Variants in LRRC28 observed in about 807,000 individuals in gnomAD.
The protein encoded by LRRC28 is leucine rich repeat containing 28.
LRRC28 carries 39 observed loss-of-function variants against 45.7 expected under a neutral mutation model. That is an observed-to-expected ratio of 0.85 (90% CI 0.66 to 1.12). The LOEUF is 1.12. Ranked by LOEUF, LRRC28 falls within the 50% of genes most tolerant of loss-of-function variation. The probability of loss-of-function intolerance (pLI) is 0.00; values close to 1 mark genes in which losing one functional copy is unlikely to be tolerated. For synonymous variants in LRRC28, 206 were observed against 178.8 expected (o/e 1.15, Z -1.22); for missense variants, 435 against 438.5 (o/e 0.99, Z 0.07).
chr15:99,272,759 G>A (rs2081515151), intron 2 of LRRC28, among the ~76,000 whole-genome samples: 1 of 152,180 alleles, frequency 6.6e-6, no homozygotes, highest in East Asian at 1.9e-4. Context: ...CAATTTCTAG[G>A]TAATTTAGTA....
chr15:99,327,032 T>A (rs1956003555), intron 5 of LRRC28, among the ~76,000 whole-genome samples: 1 of 152,178 alleles, frequency 6.6e-6, no homozygotes, highest in African/African-American at 2.4e-5. Context: ...GGTCTTTTCT[T>A]ATGGGAGGAT....
At chr15:99,311,941 G>A (rs1407886039) in intron 5 of LRRC28, among the ~76,000 whole-genome samples, 2 of 152,126 alleles carry the variant, frequency 1.3e-5, no homozygotes, top group Non-Finnish European at 2.9e-5. Context: ...CTGGAGCAAA[G>A]TTACTGTGTT....
intron 2 of LRRC28, among the ~76,000 whole-genome samples, chr15:99,273,382 A>G (rs558214297): frequency 1.4e-4 from 22 of 151,854 alleles, no homozygotes; most frequent in Admixed American, 3.9e-4. Context: ...GACTACAGGC[A>G]CTCACCACCA....
intron 9 of LRRC28, among the ~76,000 whole-genome samples, chr15:99,377,927 G>A (rs1389762934): frequency 1.3e-5 from 2 of 152,190 alleles, no homozygotes; most frequent in Admixed American, 6.5e-5. Flanking sequence ...CCAGTACCAT[G>A]CTGTTTTGGT....
At chr15:99,368,771 C>T (rs746959603) in intron 9 of LRRC28, among the ~76,000 whole-genome samples, 6 of 152,168 alleles carry the variant, frequency 3.9e-5, no homozygotes, top group Non-Finnish European at 5.9e-5. Flanking sequence ...CATTGTCCAG[C>T]CACACTGTTG....
chr15:99,273,343 T>TGA, intron 2 of LRRC28, among the ~76,000 whole-genome samples: 1 of 151,312 alleles, frequency 6.6e-6, no homozygotes, highest in Non-Finnish European at 1.5e-5. Flanking sequence ...TTCAGGCCAT[T>TGA]TTCCTGCCTC....
At chr15:99,327,012 A>G (rs1420399675) in intron 5 of LRRC28, among the ~76,000 whole-genome samples, 2 of 152,216 alleles carry the variant, frequency 1.3e-5, no homozygotes, top group East Asian at 3.8e-4. Context: ...TAGAAAAGCC[A>G]TCTGGACCTG....
Position 99,363,110 on chromosome 15 carries a change from G to C in LRRC28, c.876G>C (p.Leu292Phe). The C allele has an allele frequency of 6.2e-7, 1 of 1,605,554 alleles. No individual in the cohort carries two copies. The highest frequency in any genetic ancestry group is 8.5e-7 in the Non-Finnish European group (1 of 1,176,202). ...YHTYHSLLKDLNFLSPISLPR... is the reference protein window; with the variant it reads ...YHTYHSLLKDFNFLSPISLPR... ...TGATTTTCTTTTGTGTTCCAGATTT[G>C]AACTTTCTGTCTCCAATCTCATTAC... Residue 292 changes from leucine to phenylalanine, a missense_variant, in exon 9 of 10, where the codon TTG (leucine) becomes TTC (phenylalanine). By Grantham distance (22) the Leu-to-Phe change is conservative. Transcript: ENST00000301981.
At chr15:99,316,732 A>T (rs1318873350) in intron 5 of LRRC28, among the ~76,000 whole-genome samples, 9 of 125,988 alleles carry the variant, frequency 7.1e-5, no homozygotes, top group Non-Finnish European at 1.4e-4. Flanking sequence ...AAAAAAAAAA[A>T]ACTCTTTGAA....
At chr15:99,259,469 C>T in intron 2 of LRRC28, 1 of 1,180,726 alleles carries the variant, frequency 8.5e-7, no homozygotes, top group Non-Finnish European at 1.3e-6. Flanking sequence ...TGAGCCTCTG[C>T]CCAATTGGGT....
At chr15:99,327,369 A>C (rs11853523) in intron 5 of LRRC28, among the ~76,000 whole-genome samples, 2,249 of 152,258 alleles carry the variant, frequency 0.015, 56 homozygotes, top group African/African-American at 0.052. Context: ...GTGCCAGGCT[A>C]CTAATTCAGT....
At chr15:99,361,214 G>T in intron 7 of LRRC28, 122 bp from the exon 8 acceptor site, 2 of 1,220,866 alleles carry the variant, frequency 1.6e-6, no homozygotes, top group East Asian at 2.5e-5. Context: ...ACTTTGAAAA[G>T]AATTCTGGCA....
intron 3 of LRRC28, among the ~76,000 whole-genome samples, chr15:99,277,406 T>G (rs1275096371): frequency 6.6e-6 from 1 of 152,102 alleles, no homozygotes; most frequent in Non-Finnish European, 1.5e-5. Context: ...ATTTTGACAT[T>G]TTGCAACATT....
intron 1 of LRRC28, among the ~76,000 whole-genome samples, chr15:99,253,361 T>G (rs1446109363): frequency 6.6e-6 from 1 of 152,162 alleles, no homozygotes; most frequent in East Asian, 1.9e-4. Context: ...CCTCAGGTGA[T>G]CCACCCTCCT....
intron 5 of LRRC28, among the ~76,000 whole-genome samples, chr15:99,321,144 T>C (rs1167467958): frequency 2.0e-5 from 3 of 152,206 alleles, no homozygotes; most frequent in Non-Finnish European, 4.4e-5. Flanking sequence ...GGGGGTAGAT[T>C]TGATCCCTAG....
At chr15:99,284,904 T>G (rs750885401) in intron 3 of LRRC28, 1 of 589,662 alleles carries the variant, frequency 1.7e-6, no homozygotes, top group African/African-American at 1.8e-5. Context: ...ACCAAACCCA[T>G]CATGACTGCT....
intron 7 of LRRC28, chr15:99,353,584 G>C (rs1346009401): frequency 6.6e-6 from 1 of 152,194 alleles, no homozygotes; most frequent in Non-Finnish European, 1.5e-5. Flanking sequence ...AGCTGATTAT[G>C]TCACAGCTGT....
intron 5 of LRRC28, among the ~76,000 whole-genome samples, chr15:99,324,018 G>C (rs921925253): frequency 1.3e-5 from 2 of 152,132 alleles, no homozygotes; most frequent in Admixed American, 6.6e-5. Flanking sequence ...AATGGAATTT[G>C]GCATTGAAAT....
At chr15:99,265,598 A>G (rs2081311748) in intron 2 of LRRC28, among the ~76,000 whole-genome samples, 1 of 152,188 alleles carries the variant, frequency 6.6e-6, no homozygotes, top group South Asian at 2.1e-4. Context: ...AGGAGAAGGA[A>G]TATAGCGTGG....
Sources: allele counts gnomAD v4.1 joint callset (sites outside exome capture counted in the v4.1 genomes callset), GRCh38; gene constraint gnomAD v4.1.1; transcripts MANE v1.5; gene names NCBI Gene and HGNC (gene_info 2026-07-23, HGNC 2026-07-21).